PAPPA2: variants seen among roughly 807,000 people sequenced by gnomAD.
PAPPA2 encodes the protein pappalysin 2, also known as pappalysin-2.
PAPPA2 carries 86 observed loss-of-function variants against 176.4 expected under a neutral mutation model. That is an observed-to-expected ratio of 0.49 (90% CI 0.41 to 0.58). The LOEUF (loss-of-function observed/expected upper bound fraction) is 0.58. PAPPA2 is among the 20% of genes least tolerant of loss of function. The pLI is 0.00. For synonymous variants in PAPPA2, 809 were observed against 852.2 expected (o/e 0.95, Z 0.88); for missense variants, 2,073 against 2,256.9 (o/e 0.92, Z 1.65).
chr1:176,602,534 G>A (rs1654386527), intron 3 of PAPPA2, among the ~76,000 whole-genome samples: 2 of 152,178 alleles, frequency 1.3e-5, no homozygotes, highest in Admixed American at 1.3e-4. Context: ...GCATGGTCAG[G>A]CTGGGCCCTT....
At chr1:176,567,243 G>A (rs1224530076) in intron 2 of PAPPA2, among the ~76,000 whole-genome samples, 1 of 152,186 alleles carries the variant, frequency 6.6e-6, no homozygotes, top group Non-Finnish European at 1.5e-5. Flanking sequence ...TTCTCTTTAT[G>A]AGTCAGAATT....
intron 14 of PAPPA2, among the ~76,000 whole-genome samples, chr1:176,752,942 A>C (rs535437929): frequency 3.2e-4 from 49 of 152,344 alleles, no homozygotes; most frequent in Admixed American, 1.2e-3. Flanking sequence ...CATTAAGTCC[A>C]GTGCAAATAA....
intron 21 of PAPPA2, among the ~76,000 whole-genome samples, chr1:176,810,615 G>T (rs968825181): frequency 1.3e-5 from 2 of 152,156 alleles, no homozygotes; most frequent in Non-Finnish European, 1.5e-5. Flanking sequence ...GTGTGGCCCG[G>T]TTCTAACAGG....
At position 176,616,808 on chromosome 1, in the gene PAPPA2, T is replaced by TACTCAATA. The variant is rs1485647365; in HGVS notation, c.1991+21214_1991+21221dup. 3.9e-6 allele frequency: 3 copies of TACTCAATA among 766,484 alleles called. No individual in the cohort carries two copies. The African/African-American group carries it at 5.3e-5, about 13-fold the overall frequency. 47.5% of individuals were successfully genotyped at this position (766,484 alleles called of 1,614,324 possible). A position where few individuals can be genotyped will look rare whatever the true frequency, so the allele number is the denominator to read the frequency against. ...GAGGTGTATTAATTTAGTTAAAAAA[T>TACTCAATA]ACTCAATAGGGTTATGAAATAATTA... On this transcript the variant is annotated intron_variant, in intron 3 of 22. Coordinates refer to ENST00000367662, the MANE Select transcript of PAPPA2 (RefSeq NM_020318.3).
At chr1:176,487,704 G>C (rs1652708315) in intron 1 of PAPPA2, among the ~76,000 whole-genome samples, 1 of 152,134 alleles carries the variant, frequency 6.6e-6, no homozygotes, top group Non-Finnish European at 1.5e-5. Context: ...GGACCTTGTA[G>C]GGGTAGAGGT....
At position 176,765,660 on chromosome 1, in the gene PAPPA2, T is replaced by C; in HGVS notation, c.4152-6T>C. The C allele has an allele frequency of 6.2e-7, 1 of 1,613,322 alleles. No homozygotes were observed. The highest frequency in any genetic ancestry group is 8.5e-7 in the Non-Finnish European group (1 of 1,179,524). On this transcript the variant is annotated splice_polypyrimidine_tract_variant and splice_region_variant and intron_variant, in intron 14 of 22. Transcript: ENST00000367662. Reference sequence around the variant, plus strand: ...TCCTAAGATGGTTCTATTTCTCTTATCCCAGCTGTATCCATCGGCCCTGTG... The same window carrying C: ...TCCTAAGATGGTTCTATTTCTCTTACCCCAGCTGTATCCATCGGCCCTGTG...
intron 2 of PAPPA2, among the ~76,000 whole-genome samples, chr1:176,562,106 G>A (rs1472866111): frequency 6.6e-6 from 1 of 152,176 alleles, no homozygotes; most frequent in East Asian, 1.9e-4. Flanking sequence ...AGATTTGGGT[G>A]GGGACAGAGT....
intron 12 of PAPPA2, among the ~76,000 whole-genome samples, chr1:176,718,074 T>C (rs779845454): frequency 5.3e-5 from 8 of 152,202 alleles, no homozygotes; most frequent in Non-Finnish European, 1.0e-4. Context: ...GCCTGGTGTT[T>C]TCTTTGAGGA....
At chr1:176,474,248 CTCAG>C (rs1362365120) in intron 1 of PAPPA2, among the ~76,000 whole-genome samples, 1 of 152,096 alleles carries the variant, frequency 6.6e-6, no homozygotes, top group Admixed American at 6.5e-5. Flanking sequence ...GCTTTATTAC[CTCAG>C]TCACTGGGCT....
chr1:176,614,172 G>A (rs1055620528), intron 3 of PAPPA2, among the ~76,000 whole-genome samples: 2 of 152,184 alleles, frequency 1.3e-5, no homozygotes, highest in African/African-American at 4.8e-5. Context: ...AAAGCAGTTG[G>A]ATAGTGAAGG....
chr1:176,550,833 G>C (rs1650904435), intron 1 of PAPPA2, among the ~76,000 whole-genome samples: 1 of 152,152 alleles, frequency 6.6e-6, no homozygotes, highest in African/African-American at 2.4e-5. Context: ...CCTTCTGAGT[G>C]TTATGTGATT....
chr1:176,827,890 TA>T (rs1227909834), intron 21 of PAPPA2, among the ~76,000 whole-genome samples: 4 of 152,196 alleles, frequency 2.6e-5, no homozygotes, highest in Non-Finnish European at 5.9e-5. Context: ...TGGATAATTA[TA>T]AAAGAAAGTT....
intron 1 of PAPPA2, among the ~76,000 whole-genome samples, chr1:176,471,184 G>T (rs1350895752): frequency 6.6e-6 from 1 of 152,150 alleles, no homozygotes; most frequent in Non-Finnish European, 1.5e-5. Context: ...AATTACGGTG[G>T]ATTCTGAGCT....
At chr1:176,494,652 G>C (rs1047578014) in intron 1 of PAPPA2, among the ~76,000 whole-genome samples, 1 of 152,164 alleles carries the variant, frequency 6.6e-6, no homozygotes. Context: ...ATAGACATGT[G>C]AGAGCTGGCA....
At chr1:176,574,122 CA>C (rs563187576) in intron 2 of PAPPA2, among the ~76,000 whole-genome samples, 138 of 152,076 alleles carry the variant, frequency 9.1e-4, no homozygotes, top group African/African-American at 3.1e-3. Flanking sequence ...GGCCTTGATA[CA>C]AATGAATGTG....
intron 4 of PAPPA2, among the ~76,000 whole-genome samples, chr1:176,677,010 A>T (rs1361056825): frequency 6.6e-6 from 1 of 152,172 alleles, no homozygotes; most frequent in African/African-American, 2.4e-5. Flanking sequence ...ACTACCCTAC[A>T]ACATGATTAT....
chr1:176,602,215 C>G (rs1000747669), intron 3 of PAPPA2, among the ~76,000 whole-genome samples: 5 of 152,178 alleles, frequency 3.3e-5, no homozygotes, highest in African/African-American at 1.2e-4. Context: ...CTCATTGTCT[C>G]TTCTTTGCCT....
At chr1:176,831,220 G>A (rs545119170) in intron 21 of PAPPA2, among the ~76,000 whole-genome samples, 3 of 152,278 alleles carry the variant, frequency 2.0e-5, no homozygotes, top group Admixed American at 2.0e-4. Flanking sequence ...AGTGTATCTT[G>A]TGTAGTTTTG....
Position 176,843,326 on chromosome 1 carries a change from G to A in PAPPA2, c.*872G>A, listed in dbSNP as rs1376208747. ...GGTACTAAGAGGCATAGGAAGTTGA[G>A]TGTGAATACCATTGGTGATGGGTCC... On this transcript the variant is annotated 3_prime_UTR_variant, in exon 23 of 23. Transcript: ENST00000367662. 3 of 152,126 alleles carry A rather than the reference G, an allele frequency of 2.0e-5. No individual in the cohort carries two copies. Among genetic ancestry groups the A allele is most frequent in the Admixed American group, 6.6e-5 (1 of 15,250 alleles). The allele number at this position is 152,126 out of a possible 1,614,324, so 9.4% of individuals were successfully genotyped here. A position where few individuals can be genotyped will look rare whatever the true frequency, so the allele number is the denominator to read the frequency against.
Sources: allele counts gnomAD v4.1 joint callset (sites outside exome capture counted in the v4.1 genomes callset), GRCh38; gene constraint gnomAD v4.1.1; transcripts MANE v1.5; gene names NCBI Gene and HGNC (gene_info 2026-07-23, HGNC 2026-07-21).